The following LAMA3 variants were observed in gnomAD, a reference collection of about 807,000 sequenced individuals.
LAMA3 encodes the protein laminin subunit alpha-3.
A neutral mutation model predicts 402.0 loss-of-function variants in LAMA3; 281 were observed. That is an observed-to-expected ratio of 0.70 (90% CI 0.63 to 0.77). LAMA3 has a LOEUF of 0.77. Among genes scored for constraint, LAMA3 ranks in the 30% least tolerant of loss-of-function variants. The pLI is 0.00. For synonymous variants in LAMA3, 1,431 were observed against 1,558.4 expected (o/e 0.92, Z 1.93); for missense variants, 3,840 against 4,215.5 (o/e 0.91, Z 2.47).
At chr18:23,808,602 C>T (rs2063009169) in intron 12 of LAMA3, among the ~76,000 whole-genome samples, 1 of 152,184 alleles carries the variant, frequency 6.6e-6, no homozygotes, top group African/African-American at 2.4e-5. Flanking sequence ...TCTGCAAGTA[C>T]TTGTGTCTCT....
chr18:23,737,371 ACTTCACTCCC>A (rs1449985171), intron 2 of LAMA3, among the ~76,000 whole-genome samples: 1 of 152,072 alleles, frequency 6.6e-6, no homozygotes, highest in Non-Finnish European at 1.5e-5. Context: ...ATCCACCCGC[ACTTCACTCCC>A]CTTCCCAGCC....
chr18:23,904,500 A>G (rs992675289), intron 50 of LAMA3, 53 bp from the exon 51 acceptor site: 7 of 1,547,906 alleles, frequency 4.5e-6, no homozygotes, highest in Middle Eastern at 2.0e-4. Context: ...GGGGGATGTC[A>G]GCTGCTGGCA....
At chr18:23,800,621 C>T (rs906836433) in intron 12 of LAMA3, among the ~76,000 whole-genome samples, 1 of 152,160 alleles carries the variant, frequency 6.6e-6, no homozygotes. Flanking sequence ...TTAGGGAACA[C>T]TAGAATGTAT....
chr18:23,858,533 A>G lies in LAMA3; in HGVS notation c.4282-156A>G, dbSNP rs1423273165. 2.6e-5 allele frequency among the ~76,000 whole-genome samples: 4 copies of G among 152,332 alleles called. No homozygotes were observed. In the East Asian group the frequency reaches 7.7e-4, roughly 29 times the overall value. ...TGGTATAAAAGTTTAAACAATTAACATGGGATGAAAGCTTAATAATTAACA... is the reference window on the plus strand; with the variant it reads ...TGGTATAAAAGTTTAAACAATTAACGTGGGATGAAAGCTTAATAATTAACA... On this transcript the variant is annotated intron_variant, in intron 33 of 74. Transcript: ENST00000313654.
At chr18:23,895,088 G>C in intron 44 of LAMA3, 30 bp downstream of exon 44, 1 of 1,563,862 alleles carries the variant, frequency 6.4e-7, no homozygotes, top group Non-Finnish European at 8.7e-7. Flanking sequence ...GAGTAGACAC[G>C]TGGGGAGGAG....
At chr18:23,909,877 GAGA>G (rs1448673556) in intron 55 of LAMA3, among the ~76,000 whole-genome samples, 1 of 152,202 alleles carries the variant, frequency 6.6e-6, no homozygotes, top group Non-Finnish European at 1.5e-5. Context: ...AGCCCTACAG[GAGA>G]GTTTTGGAGG....
chr18:23,874,542 A>T (rs1388404637), intron 38 of LAMA3, among the ~76,000 whole-genome samples: 1 of 152,176 alleles, frequency 6.6e-6, no homozygotes, highest in African/African-American at 2.4e-5. Flanking sequence ...ATCTATATTC[A>T]TTGGTAATTT....
In LAMA3 at chr18:23,953,074, G is replaced by A. The variant is rs138743933; in HGVS notation, c.9821G>A (p.Ser3274Asn). 2 of 1,614,114 alleles carry A rather than the reference G, an allele frequency of 1.2e-6. No individual in the cohort carries two copies. Among genetic ancestry groups the A allele is most frequent in the Non-Finnish European group, 8.5e-7 (1 of 1,179,994 alleles). ...GGACAGATCCCCTTCCCACCTGCCA[G>A]CACTCAAGAGCCACTACACCTTGGA... ...TAGQIPFPPA[S>N]TQEPLHLGGA... The change falls in exon 74 of 75, where the codon AGC becomes AAC. Residue 3274 changes from serine to asparagine, a missense_variant. By Grantham distance (46) the Ser-to-Asn change is conservative (BLOSUM62 1). Around this residue, in one of 3 missense-constraint regions of LAMA3, gnomAD observed 840 missense variants for 981.9 expected, o/e 0.86. Coordinates refer to ENST00000313654, the MANE Select transcript of LAMA3 (RefSeq NM_198129.4).
chr18:23,845,172 C>A, intron 30 of LAMA3, 48 bp downstream of exon 30: 1 of 1,081,892 alleles, frequency 9.2e-7, no homozygotes, highest in Non-Finnish European at 1.4e-6. Flanking sequence ...GGCACTCCCA[C>A]ATTCCTGACC....
At chr18:23,860,231 T>C (rs1038811227) in intron 34 of LAMA3, among the ~76,000 whole-genome samples, 1 of 151,622 alleles carries the variant, frequency 6.6e-6, no homozygotes, top group Non-Finnish European at 1.5e-5. Context: ...ACCTATTTTA[T>C]CATATCTTTT....
Position 23,842,731 on chromosome 18 carries a change from A to G in LAMA3, c.3584A>G (p.Glu1195Gly). The G allele has an allele frequency of 6.2e-7, 1 of 1,614,216 alleles. No individual in the cohort carries two copies. The highest frequency in any genetic ancestry group is 8.5e-7 in the Non-Finnish European group (1 of 1,180,040). Reference protein sequence around the residue: ...PEVAATVKVPEGKSLVLVRVL... With the variant: ...PEVAATVKVPGGKSLVLVRVL... ...GTGGCCGCAACTGTGAAGGTTCCAG[A>G]AGGAAAGTCCTTGGTTTTGGTGCGT... Residue 1195 changes from glutamate (E) to glycine (G), a missense_variant, in exon 29 of 75, where the codon GAA becomes GGA. Physicochemically the swap from Glu to Gly is moderately conservative, Grantham distance 98. Around this residue, in one of 3 missense-constraint regions of LAMA3, gnomAD observed 2,109 missense variants for 2,376.0 expected, o/e 0.89. Coordinates refer to ENST00000313654, the MANE Select transcript of LAMA3 (RefSeq NM_198129.4).
chr18:23,920,132 C>T (rs979039674), intron 60 of LAMA3, among the ~76,000 whole-genome samples: 1 of 152,126 alleles, frequency 6.6e-6, no homozygotes, highest in Non-Finnish European at 1.5e-5. Flanking sequence ...TATGTGTGTG[C>T]CCTGCACACG....
At chr18:23,760,496 C>G (rs1294189962) in intron 7 of LAMA3, among the ~76,000 whole-genome samples, 1 of 152,026 alleles carries the variant, frequency 6.6e-6, no homozygotes, top group Non-Finnish European at 1.5e-5. Context: ...ACTAACAAGA[C>G]TTGGAAATTT....
chr18:23,910,588 G>A (rs779403322), intron 55 of LAMA3, among the ~76,000 whole-genome samples: 1 of 152,174 alleles, frequency 6.6e-6, no homozygotes, highest in Non-Finnish European at 1.5e-5. Context: ...GGTGTGTTAT[G>A]TGTATCTTCA....
intron 2 of LAMA3, among the ~76,000 whole-genome samples, chr18:23,718,185 G>A (rs1248409254): frequency 1.3e-5 from 2 of 152,074 alleles, no homozygotes; most frequent in Non-Finnish European, 2.9e-5. Flanking sequence ...GATCTCTCCC[G>A]TGAGATCGGA....
chr18:23,929,109 A>G (rs994651412), intron 64 of LAMA3, among the ~76,000 whole-genome samples: 1 of 152,244 alleles, frequency 6.6e-6, no homozygotes, highest in African/African-American at 2.4e-5. Context: ...CAGAAAGAAA[A>G]TCAGAGTGTG....
chr18:23,863,350 C>A (rs1223431437), intron 35 of LAMA3, among the ~76,000 whole-genome samples: 1 of 152,152 alleles, frequency 6.6e-6, no homozygotes, highest in East Asian at 1.9e-4. Context: ...GAGGCTGAGC[C>A]AGGAGAATCA....
chr18:23,749,551 G>A lies in LAMA3; in HGVS notation c.684+5G>A, dbSNP rs747886862. On this transcript the variant is annotated splice_donor_5th_base_variant and intron_variant, in intron 4 of 74. Coordinates refer to ENST00000313654, the MANE Select transcript of LAMA3 (RefSeq NM_198129.4). ...GTACCTTTGGAAAATGGTGAGGTAA[G>A]TAGATTTGGAAGACTGGGAGAGATA... 1.1e-5 allele frequency: 16 copies of A among 1,509,488 alleles called. No individual in the cohort carries two copies. In the Admixed American group the frequency reaches 2.0e-4, roughly 19 times the overall value. 93.5% of individuals were successfully genotyped at this position (1,509,488 alleles called of 1,614,324 possible).
rs1381092407 is a variant in LAMA3 at position 23,899,084 on chromosome 18, C to T, written c.5836+19C>T. The stretch of plus-strand genomic sequence containing the variant: ...GTGCACAGTAAGAAGAGTTATTAAG[C>T]CCAATTACATTTTTTTTGGTTACAT... On this transcript the variant is annotated intron_variant, in intron 46 of 74. Coordinates refer to ENST00000313654, the MANE Select transcript of LAMA3 (RefSeq NM_198129.4). 1 of 1,582,680 alleles carries T rather than the reference C, an allele frequency of 6.3e-7. No homozygotes were observed. Among genetic ancestry groups the T allele is most frequent in the Admixed American group, 1.7e-5 (1 of 59,886 alleles).
Sources: allele counts gnomAD v4.1 joint callset (sites outside exome capture counted in the v4.1 genomes callset), GRCh38; gene constraint gnomAD v4.1.1; regional missense constraint gnomAD v4.1.1; transcripts MANE v1.5; gene names NCBI Gene and HGNC (gene_info 2026-07-23, HGNC 2026-07-21).